Variants in VAMP4 observed in about 807,000 individuals in gnomAD.
The protein encoded by VAMP4 is vesicle associated membrane protein 4.
Under a neutral mutation model 23.5 loss-of-function variants are expected in VAMP4, and 19 were observed. The observed-to-expected ratio is 0.81, with a 90% confidence interval of 0.56 to 1.19. VAMP4 has a LOEUF of 1.19. VAMP4 is among the 50% of genes most tolerant of loss of function. The probability of loss-of-function intolerance (pLI) is 0.00; values close to 1 mark genes in which losing one functional copy is unlikely to be tolerated. For missense variants in VAMP4, 145 were observed against 168.6 expected, an observed-to-expected ratio of 0.86 and a Z score of 0.78; for synonymous variants, 31 against 51.0, an observed-to-expected ratio of 0.61 and a Z score of 1.67.
At chr1:171,735,198 G>C (rs1315820058) in intron 2 of VAMP4, among the ~76,000 whole-genome samples, 1 of 152,108 alleles carries the variant, frequency 6.6e-6, no homozygotes, top group Admixed American at 6.6e-5. Flanking sequence ...ACAAATTTAC[G>C]TTCAGCAGTG....
chr1:171,713,291 T>A (rs1654911839), intron 4 of VAMP4, among the ~76,000 whole-genome samples: 1 of 65,300 alleles, frequency 1.5e-5, no homozygotes, highest in Non-Finnish European at 3.1e-5. Context: ...CCAGCCAGCT[T>A]TTTTTTTTTG....
chr1:171,734,770 A>G (rs1655684820), intron 2 of VAMP4, among the ~76,000 whole-genome samples: 1 of 152,180 alleles, frequency 6.6e-6, no homozygotes, highest in African/African-American at 2.4e-5. Context: ...AGTCAATTTT[A>G]TTCAGTTCTG....
At chr1:171,710,912 A>G (rs1344717792) in intron 4 of VAMP4, 98 bp from the exon 5 acceptor site, 24 of 833,292 alleles carry the variant, frequency 2.9e-5, no homozygotes, top group South Asian at 7.6e-5. Context: ...GCAAATTCTC[A>G]GAGAATTATT....
At chr1:171,719,760 G>C (rs1254196194) in intron 3 of VAMP4, among the ~76,000 whole-genome samples, 1 of 151,894 alleles carries the variant, frequency 6.6e-6, no homozygotes, top group Non-Finnish European at 1.5e-5. Flanking sequence ...CATAGCAAAA[G>C]GGAAATGCAA....
chr1:171,740,988 T>G (rs1021423204), intron 1 of VAMP4, among the ~76,000 whole-genome samples: 6 of 152,168 alleles, frequency 3.9e-5, no homozygotes, highest in African/African-American at 1.4e-4. Context: ...CTAGTAGAAA[T>G]AAATCATGCT....
chr1:171,737,600 T>C (rs1188649495), intron 2 of VAMP4, among the ~76,000 whole-genome samples: 1 of 152,232 alleles, frequency 6.6e-6, no homozygotes, highest in Non-Finnish European at 1.5e-5. Context: ...TGAACTGATG[T>C]TAGCTAGTTT....
chr1:171,704,819 T>C (rs1654596662), intron 7 of VAMP4, among the ~76,000 whole-genome samples: 1 of 152,024 alleles, frequency 6.6e-6, no homozygotes, highest in Admixed American at 6.6e-5. Context: ...GGGATAATAG[T>C]CACAATATAT....
intron 1 of VAMP4, among the ~76,000 whole-genome samples, chr1:171,739,339 A>G (rs1655847234): frequency 6.6e-6 from 1 of 152,224 alleles, no homozygotes; most frequent in South Asian, 2.1e-4. Flanking sequence ...CAAAAGCTGA[A>G]CAAGTAGAGA....
Position 171,702,665 on chromosome 1 carries a change from T to C in VAMP4, c.*1841A>G, listed in dbSNP as rs1002426408. On this transcript the variant is annotated 3_prime_UTR_variant, in exon 8 of 8. Coordinates refer to ENST00000236192, the MANE Select transcript of VAMP4 (RefSeq NM_003762.5). ...GATTCTGTCCATTCAGTTAAAATAT[T>C]TCCATTCCTGAATTATTAGCTACTG... The C allele has an allele frequency of 6.6e-6, 1 of 151,988 alleles. No individual in the cohort carries two copies. The highest frequency in any genetic ancestry group is 2.1e-4 in the South Asian group (1 of 4,830). 9.4% of individuals were successfully genotyped at this position (151,988 alleles called of 1,614,324 possible). A position where few individuals can be genotyped will look rare whatever the true frequency, so the allele number is the denominator to read the frequency against.
chr1:171,710,704 A>C lies in VAMP4; in HGVS notation c.265+10T>G. ...ATTAGTAATATCAAGAAATACATGA[A>C]GATCTGTACCTGATTTGTCCTGTAG... On this transcript the variant is annotated intron_variant, in intron 5 of 7. Coordinates refer to ENST00000236192, the MANE Select transcript of VAMP4 (RefSeq NM_003762.5). The C allele has an allele frequency of 1.9e-5, 29 of 1,561,222 alleles. No homozygotes were observed. The highest frequency in any genetic ancestry group is 2.4e-5 in the Non-Finnish European group (28 of 1,142,936).
intron 4 of VAMP4, among the ~76,000 whole-genome samples, chr1:171,711,987 G>A (rs146913426): frequency 2.9e-3 from 446 of 152,132 alleles, no homozygotes; most frequent in African/African-American, 0.01. Flanking sequence ...CATGCTGTAC[G>A]GGTTTGTAGC....
chr1:171,727,271 A>C (rs928676967), intron 3 of VAMP4, among the ~76,000 whole-genome samples: 16 of 150,666 alleles, frequency 1.1e-4, no homozygotes, highest in African/African-American at 3.9e-4. Flanking sequence ...CCAAAAAAAC[A>C]CAACTCAATG....
chr1:171,703,428 TA>T lies in VAMP4; in HGVS notation c.*1077del, dbSNP rs1654530435. 4.1e-5 allele frequency: 1 copy of T among 24,112 alleles called. No individual in the cohort carries two copies. Among genetic ancestry groups the T allele is most frequent in the Non-Finnish European group, 1.2e-4 (1 of 8,504 alleles). The allele number at this position is 24,112 out of a possible 1,614,324, so 1.5% of individuals were successfully genotyped here. A position where few individuals can be genotyped will look rare whatever the true frequency, so the allele number is the denominator to read the frequency against. On this transcript the variant is annotated 3_prime_UTR_variant, in exon 8 of 8. Coordinates refer to ENST00000236192, the MANE Select transcript of VAMP4 (RefSeq NM_003762.5). ...GTGTGTGTGTGTGTGTTTGTGTGTATATATATATATATATATATATATATAT... is the reference window on the plus strand; with the variant it reads ...GTGTGTGTGTGTGTGTTTGTGTGTATTATATATATATATATATATATATAT...
intron 2 of VAMP4, 48 bp from the exon 3 acceptor site, chr1:171,728,618 T>C: frequency 6.5e-7 from 1 of 1,529,464 alleles, no homozygotes; most frequent in East Asian, 2.3e-5. Context: ...AGAGGGCTTA[T>C]AAAATGTCAC....
chr1:171,727,184 G>A lies in VAMP4; in HGVS notation c.113+1340C>T, dbSNP rs545404058. Among the ~76,000 whole-genome samples, 6 of 142,174 alleles carry A rather than the reference G, an allele frequency of 4.2e-5. No homozygotes were observed. The South Asian group carries it at 1.1e-3, about 26-fold the overall frequency. The allele number at this position is 142,174 out of a possible 152,430, so 93.3% of individuals were successfully genotyped here. ...GAGCCCAGTAGTTTGAAGCTGTGGT[G>A]AGCCAAGACTGCGCCAGGACACTCT... is the stretch of plus-strand genomic sequence containing the variant. On this transcript the variant is annotated intron_variant, in intron 3 of 7. Coordinates refer to ENST00000236192, the MANE Select transcript of VAMP4 (RefSeq NM_003762.5).
chr1:171,740,780 T>C (rs149118257), intron 1 of VAMP4, among the ~76,000 whole-genome samples: 99 of 152,338 alleles, frequency 6.5e-4, no homozygotes, highest in African/African-American at 2.2e-3. Flanking sequence ...GGCAGACTTA[T>C]ATAATGCCTT....
In VAMP4 at chr1:171,700,648, T is replaced by G. The variant is rs1035000006; in HGVS notation, c.*3858A>C. ...AGGCAAAAGCAAAAGGCCCCACTCT[T>G]CAGTCACTCATATTGCTTCTCCAGA... On this transcript the variant is annotated 3_prime_UTR_variant, in exon 8 of 8. Transcript: ENST00000236192. The G allele has an allele frequency of 1.3e-5, 2 of 152,232 alleles. No homozygotes were observed. Among genetic ancestry groups the G allele is most frequent in the Non-Finnish European group, 2.9e-5 (2 of 68,050 alleles). The allele number at this position is 152,232 out of a possible 1,614,324, so 9.4% of individuals were successfully genotyped here.
intron 7 of VAMP4, 133 bp downstream of exon 7, chr1:171,706,234 C>A: frequency 1.5e-6 from 1 of 689,370 alleles, no homozygotes; most frequent in South Asian, 2.6e-5. Flanking sequence ...ATTCTAAGAG[C>A]TCCTGAGACA....
At position 171,703,259 on chromosome 1, in the gene VAMP4, T is replaced by TCTGA. The variant is rs1268080165; in HGVS notation, c.*1243_*1246dup. ...ACCTTAGGGGACAATGTATTTTCACTCTGACTTGTTTAAAAGACACAAGGA... is the reference window on the plus strand; with the variant it reads ...ACCTTAGGGGACAATGTATTTTCACTCTGACTGACTTGTTTAAAAGACACAAGGA... On this transcript the variant is annotated 3_prime_UTR_variant, in exon 8 of 8. Transcript: ENST00000236192. 1 of 150,436 alleles carries TCTGA rather than the reference T, an allele frequency of 6.6e-6. No homozygotes were observed. The highest frequency in any genetic ancestry group is 1.5e-5 in the Non-Finnish European group (1 of 67,442). 9.3% of individuals were successfully genotyped at this position (150,436 alleles called of 1,614,324 possible).
Sources: gnomAD v4.1 joint callset for allele counts (sites outside exome capture counted in the v4.1 genomes callset) on GRCh38, gnomAD v4.1.1 for gene constraint, MANE v1.5 for transcripts, NCBI Gene and HGNC (gene_info 2026-07-23, HGNC 2026-07-21) for gene names.